Variants in PRKCE observed in about 807,000 individuals in gnomAD.
PRKCE encodes protein kinase C epsilon.
Under a neutral mutation model 85.4 loss-of-function variants are expected in PRKCE, and 16 were observed. The ratio of observed to expected loss-of-function variants is 0.19; its 90% CI spans 0.13 to 0.28. The LOEUF is 0.28. Ranked by LOEUF, PRKCE falls within the 10% of genes least tolerant of loss-of-function variation. PRKCE has a pLI of 1.00. For synonymous variants in PRKCE, 388 were observed against 371.5 expected (o/e 1.04, Z -0.51); for missense variants, 573 against 975.2 (o/e 0.59, Z 5.49).
At chr2:45,792,616 CACTA>C (rs1209740391) in intron 1 of PRKCE, among the ~76,000 whole-genome samples, 3 of 152,214 alleles carry the variant, frequency 2.0e-5, no homozygotes, top group African/African-American at 7.2e-5. Flanking sequence ...TTTTACTGCT[CACTA>C]ACTGTGTGAC....
At position 46,098,209 on chromosome 2, in the gene PRKCE, G is replaced by A. The variant is rs575664826; in HGVS notation, c.1592+11847G>A. On this transcript the variant is annotated intron_variant, in intron 11 of 14. Coordinates refer to ENST00000306156, the MANE Select transcript of PRKCE (RefSeq NM_005400.3). ...TTATAGTGGTTAAGGGCACAACTCTGGAACCCCTGGTCTCTAACCCTGCCT... is the reference window on the plus strand; with the variant it reads ...TTATAGTGGTTAAGGGCACAACTCTAGAACCCCTGGTCTCTAACCCTGCCT... 3.3e-5 allele frequency among the ~76,000 whole-genome samples: 5 copies of A among 152,224 alleles called. No individual in the cohort carries two copies. The South Asian group carries it at 1.0e-3, about 32-fold the overall frequency.
chr2:45,897,878 T>C (rs1262261612), intron 2 of PRKCE, among the ~76,000 whole-genome samples: 1 of 152,238 alleles, frequency 6.6e-6, no homozygotes, highest in Non-Finnish European at 1.5e-5. Context: ...TAATAATCAC[T>C]GCTGACAAGG....
At chr2:45,857,605 G>T (rs1046670273) in intron 2 of PRKCE, among the ~76,000 whole-genome samples, 1 of 152,138 alleles carries the variant, frequency 6.6e-6, no homozygotes, top group African/African-American at 2.4e-5. Context: ...TGGAGATGAG[G>T]TCTTGCTGTG....
intron 10 of PRKCE, among the ~76,000 whole-genome samples, chr2:46,043,971 C>T (rs919526327): frequency 1.1e-4 from 16 of 152,186 alleles, no homozygotes; most frequent in African/African-American, 2.2e-4. Flanking sequence ...GGCCCACTGG[C>T]TGGGGTGTCC....
chr2:45,909,040 C>T (rs1232886788), intron 2 of PRKCE, among the ~76,000 whole-genome samples: 1 of 152,194 alleles, frequency 6.6e-6, no homozygotes, highest in Admixed American at 6.5e-5. Flanking sequence ...CTTCTTTCAC[C>T]ATCTGTTTTT....
chr2:46,038,651 T>TCACACACACACACACA lies in PRKCE; in HGVS notation c.1437+28171_1437+28186dup, dbSNP rs3222422. Among the ~76,000 whole-genome samples, 6 of 128,644 alleles carry TCACACACACACACACA rather than the reference T, an allele frequency of 4.7e-5. No homozygotes were observed. In the Admixed American group the frequency reaches 4.7e-4, roughly 10 times the overall value. The allele number at this position is 128,644 out of a possible 152,430, so 84.4% of individuals were successfully genotyped here. ...ATGGAATTAAGGCATAGTAACAACT[T>TCACACACACACACACA]CACACACACACACACACACACACAC... On this transcript the variant is annotated intron_variant, in intron 10 of 14. Transcript: ENST00000306156.
chr2:45,796,453 T>C (rs1451414214), intron 1 of PRKCE, among the ~76,000 whole-genome samples: 1 of 152,238 alleles, frequency 6.6e-6, no homozygotes, highest in Non-Finnish European at 1.5e-5. Flanking sequence ...GGGTGCCACA[T>C]AATACAAGCA....
intron 12 of PRKCE, among the ~76,000 whole-genome samples, chr2:46,149,271 T>A (rs148678584): frequency 1.8e-4 from 27 of 152,272 alleles, no homozygotes; most frequent in African/African-American, 6.5e-4. Context: ...GCCCAAGGTG[T>A]CCCATGGGCT....
At chr2:45,855,774 G>T (rs758331859) in intron 2 of PRKCE, among the ~76,000 whole-genome samples, 1 of 152,182 alleles carries the variant, frequency 6.6e-6, no homozygotes, top group African/African-American at 2.4e-5. Flanking sequence ...CTTAACTTGA[G>T]AAGGGGTTTT....
chr2:45,971,747 A>G (rs1702123874), intron 2 of PRKCE, among the ~76,000 whole-genome samples: 1 of 152,264 alleles, frequency 6.6e-6, no homozygotes, highest in Admixed American at 6.5e-5. Context: ...CACCAGTGTC[A>G]ACGAATGACC....
At chr2:45,848,415 A>G (rs1489879809) in intron 2 of PRKCE, among the ~76,000 whole-genome samples, 2 of 151,944 alleles carry the variant, frequency 1.3e-5, no homozygotes, top group Non-Finnish European at 2.9e-5. Flanking sequence ...GGTTCAAGTG[A>G]TTATCCTGCC....
intron 1 of PRKCE, among the ~76,000 whole-genome samples, chr2:45,763,887 T>C (rs999498200): frequency 6.6e-6 from 1 of 152,250 alleles, no homozygotes; most frequent in African/African-American, 2.4e-5. Flanking sequence ...GTGTTTGTTT[T>C]GGTGGACTCT....
intron 10 of PRKCE, among the ~76,000 whole-genome samples, chr2:46,017,029 T>TC (rs1706222203): frequency 6.6e-6 from 1 of 151,268 alleles, no homozygotes; most frequent in South Asian, 2.1e-4. Context: ...CCCCCTTTTT[T>TC]TTTTCGGAAT....
chr2:45,671,007 G>C (rs915657959), intron 1 of PRKCE, among the ~76,000 whole-genome samples: 2 of 152,204 alleles, frequency 1.3e-5, no homozygotes, highest in Admixed American at 6.5e-5. Context: ...CAAGGTCAGA[G>C]AGCTTAGTTC....
chr2:45,733,530 T>G (rs909352246), intron 1 of PRKCE, among the ~76,000 whole-genome samples: 3 of 152,106 alleles, frequency 2.0e-5, no homozygotes, highest in African/African-American at 7.2e-5. Context: ...GTAAGGGGCA[T>G]TGGAATTCCC....
Position 45,917,204 on chromosome 2 carries a change from G to A in PRKCE, c.413-59225G>A, listed in dbSNP as rs574574654. On this transcript the variant is annotated intron_variant, in intron 2 of 14. Transcript: ENST00000306156. ...TGAGCTAGACACAAAAGTTTTCCAC[G>A]TCCCCACCAGATTAGCTAGATACAG... Among the ~76,000 whole-genome samples the A allele has an allele frequency of 8.5e-5, 13 of 152,254 alleles. No homozygotes were observed. The East Asian group carries it at 1.4e-3, about 16-fold the overall frequency.
At chr2:45,954,269 T>G (rs965310805) in intron 2 of PRKCE, among the ~76,000 whole-genome samples, 3 of 152,228 alleles carry the variant, frequency 2.0e-5, no homozygotes, top group African/African-American at 7.2e-5. Flanking sequence ...TGACAGCTAA[T>G]GGCTTCCTTA....
chr2:45,744,530 CTTTCCTTCTTTCTTTCTTT>C (rs1558624173), intron 1 of PRKCE, among the ~76,000 whole-genome samples: 461 of 32,744 alleles, frequency 0.014, 17 homozygotes, highest in African/African-American at 0.041. Flanking sequence ...CTTTCTTTTT[CTTTCCTTCTTTCTTTCTTT>C]CTTCCTTCCT....
At chr2:45,654,135 T>G (rs1283944713) in intron 1 of PRKCE, among the ~76,000 whole-genome samples, 1 of 152,238 alleles carries the variant, frequency 6.6e-6, no homozygotes, top group Non-Finnish European at 1.5e-5. Flanking sequence ...TTGCAGTGTA[T>G]GCAGATGAGG....
Sources: allele counts gnomAD v4.1 joint callset (sites outside exome capture counted in the v4.1 genomes callset), GRCh38; gene constraint gnomAD v4.1.1; transcripts MANE v1.5; gene names NCBI Gene and HGNC (gene_info 2026-07-23, HGNC 2026-07-21).